Variants in XKR6 observed in about 807,000 individuals in gnomAD.
The protein encoded by XKR6 is XK-related protein 6.
A neutral mutation model predicts 56.7 loss-of-function variants in XKR6; 22 were observed. The ratio of observed to expected loss-of-function variants is 0.39; its 90% CI spans 0.28 to 0.55. The LOEUF is 0.55. Among genes scored for constraint, XKR6 ranks in the 20% least tolerant of loss-of-function variants. XKR6 has a pLI of 0.66. For missense variants in XKR6, 852 were observed against 889.0 expected (o/e 0.96, Z 0.53); for synonymous variants, 524 against 387.8 (o/e 1.35, Z -4.13).
chr8:11,201,832 A>G lies in XKR6; in HGVS notation c.-493T>C, dbSNP rs1297256003. On this transcript the variant is annotated 5_prime_UTR_variant, in exon 1 of 3. Coordinates refer to ENST00000416569, the MANE Select transcript of XKR6 (RefSeq NM_173683.4). The stretch of plus-strand genomic sequence containing the variant: ...TTTCCTCCTGGAGAAACGCCCCCTA[A>G]CACCCTCCCGGCTGCTGGTGGAGGG... Among the ~76,000 whole-genome samples the G allele has an allele frequency of 6.6e-6, 1 of 151,138 alleles. No individual in the cohort carries two copies. The highest frequency in any genetic ancestry group is 1.9e-4 in the East Asian group (1 of 5,132).
chr8:11,050,241 G>A (rs975601356), intron 1 of XKR6, among the ~76,000 whole-genome samples: 3 of 152,268 alleles, frequency 2.0e-5, no homozygotes, highest in Middle Eastern at 3.4e-3. Flanking sequence ...ATGTAACTGC[G>A]ACAGGATTCA....
chr8:10,960,690 G>A (rs1479604079), intron 1 of XKR6, among the ~76,000 whole-genome samples: 2 of 152,202 alleles, frequency 1.3e-5, no homozygotes, highest in Non-Finnish European at 2.9e-5. Context: ...GAGAATCTGA[G>A]AATCAGAACC....
chr8:10,896,083 TTATATA>T lies in XKR6; in HGVS notation c.*1863_*1868del, dbSNP rs35728440. Reference sequence around the variant, plus strand: ...ATTTACTTAAAAATATTGTGTGTGTTTATATATATATATATATATATACTTATTATA... The same window carrying T: ...ATTTACTTAAAAATATTGTGTGTGTTTATATATATATATATACTTATTATA... On this transcript the variant is annotated 3_prime_UTR_variant, in exon 3 of 3. Coordinates refer to ENST00000416569, the MANE Select transcript of XKR6 (RefSeq NM_173683.4). 2 of 141,188 alleles carry T rather than the reference TTATATA, an allele frequency of 1.4e-5. No individual in the cohort carries two copies. Among genetic ancestry groups the T allele is most frequent in the African/African-American group, 2.6e-5 (1 of 39,024 alleles). 8.7% of individuals were successfully genotyped at this position (141,188 alleles called of 1,614,324 possible).
At chr8:10,980,997 C>T (rs2129137366) in intron 1 of XKR6, among the ~76,000 whole-genome samples, 1 of 152,246 alleles carries the variant, frequency 6.6e-6, no homozygotes, top group South Asian at 2.1e-4. Context: ...AGAGAAGAGC[C>T]CAACATTGTT....
intron 1 of XKR6, among the ~76,000 whole-genome samples, chr8:11,067,435 T>C (rs1158600168): frequency 6.6e-6 from 1 of 152,222 alleles, no homozygotes; most frequent in East Asian, 1.9e-4. Flanking sequence ...TCAAAAGGGT[T>C]GAACTGGACC....
intron 1 of XKR6, among the ~76,000 whole-genome samples, chr8:10,964,560 C>A (rs1458742504): frequency 6.6e-6 from 1 of 152,162 alleles, no homozygotes; most frequent in South Asian, 2.1e-4. Flanking sequence ...GGCATCTCAA[C>A]CTTAATGGGG....
rs770553581 is a variant in XKR6 at position 10,924,789 on chromosome 8, C to T, written c.806G>A (p.Arg269Gln). The stretch of plus-strand genomic sequence containing the variant: ...GTAGAAGCGTCGCTGGTGTTCCTTC[C>T]GCCGCTGGCTCTGAATCCCCAGGTA... The part of the protein sequence containing the change: ...TMYLGIQSQR[R>Q]KEHQRRFYWA... The change falls in exon 2 of 3, where the codon CGG becomes CAG. Residue 269 changes from arginine to glutamine, a missense_variant. By Grantham distance (43) the Arg-to-Gln change is conservative. Transcript: ENST00000416569. 23 of 1,613,912 alleles carry T rather than the reference C, an allele frequency of 1.4e-5. No homozygotes were observed. The highest frequency in any genetic ancestry group is 1.7e-4 in the Middle Eastern group (1 of 6,030).
intron 1 of XKR6, among the ~76,000 whole-genome samples, chr8:11,093,725 G>C (rs1798162109): frequency 6.6e-6 from 1 of 152,096 alleles, no homozygotes; most frequent in Non-Finnish European, 1.5e-5. Context: ...AGAAATAAAT[G>C]TACTCTCTAT....
intron 1 of XKR6, among the ~76,000 whole-genome samples, chr8:10,991,013 C>G (rs756991981): frequency 6.8e-6 from 1 of 146,940 alleles, no homozygotes; most frequent in Non-Finnish European, 1.5e-5. Flanking sequence ...AAGCGATTCT[C>G]CTGCCTCAGC....
chr8:10,952,130 C>T (rs1430963253), intron 1 of XKR6, among the ~76,000 whole-genome samples: 1 of 152,166 alleles, frequency 6.6e-6, no homozygotes, highest in African/African-American at 2.4e-5. Flanking sequence ...TCAAAGCCCC[C>T]ATCCCCATCC....
intron 1 of XKR6, among the ~76,000 whole-genome samples, chr8:10,969,981 C>T (rs1471638320): frequency 1.3e-5 from 2 of 152,226 alleles, no homozygotes; most frequent in Admixed American, 1.3e-4. Flanking sequence ...CCCCAGAGGC[C>T]CACAGACCCT....
intron 1 of XKR6, among the ~76,000 whole-genome samples, chr8:10,939,321 T>A (rs1422403751): frequency 6.6e-6 from 1 of 152,208 alleles, no homozygotes; most frequent in African/African-American, 2.4e-5. Context: ...GAATGTCTCT[T>A]TGGGCCTGGC....
chr8:11,021,047 C>A (rs1328641883), intron 1 of XKR6, among the ~76,000 whole-genome samples: 1 of 152,042 alleles, frequency 6.6e-6, no homozygotes, highest in Non-Finnish European at 1.5e-5. Flanking sequence ...CCTAGGGGGT[C>A]CTATGAGGCA....
intron 2 of XKR6, among the ~76,000 whole-genome samples, chr8:10,913,497 G>A (rs996421577): frequency 1.3e-5 from 2 of 152,170 alleles, no homozygotes; most frequent in African/African-American, 4.8e-5. Flanking sequence ...GATAAGGATG[G>A]AGGCCATATG....
chr8:11,018,615 G>A lies in XKR6; in HGVS notation c.765-93785C>T, dbSNP rs76663341. Among the ~76,000 whole-genome samples the A allele has an allele frequency of 7.2e-5, 11 of 152,300 alleles. 1 individual carries two copies. The East Asian group carries it at 1.3e-3, about 19-fold the overall frequency. On this transcript the variant is annotated intron_variant, in intron 1 of 2. Transcript: ENST00000416569. The stretch of plus-strand genomic sequence containing the variant: ...ATACCAAGATTTTCCATTCTTCTAG[G>A]CCATCTTTGAGAATGCACTTGGGAG...
chr8:11,086,133 A>AATATATATAT (rs138365092), intron 1 of XKR6, among the ~76,000 whole-genome samples: 2 of 90,066 alleles, frequency 2.2e-5, no homozygotes, highest in African/African-American at 5.7e-5. Flanking sequence ...TTAAAAAGAA[A>AATATATATAT]ATATATATAT....
At chr8:10,990,144 T>G (rs1468677911) in intron 1 of XKR6, among the ~76,000 whole-genome samples, 7 of 152,204 alleles carry the variant, frequency 4.6e-5, no homozygotes, top group African/African-American at 1.7e-4. Flanking sequence ...CAAAAACTTT[T>G]GTGACAGTCA....
intron 1 of XKR6, among the ~76,000 whole-genome samples, chr8:11,061,906 A>C (rs1426528237): frequency 6.6e-6 from 1 of 152,210 alleles, no homozygotes; most frequent in East Asian, 1.9e-4. Flanking sequence ...GGCCAGCATC[A>C]GCTGCTGCTG....
At chr8:11,164,291 A>G (rs1005092280) in intron 1 of XKR6, among the ~76,000 whole-genome samples, 4 of 152,228 alleles carry the variant, frequency 2.6e-5, no homozygotes, top group African/African-American at 4.8e-5. Context: ...CAGCCATGCT[A>G]GGAACGAGGT....
Sources: gnomAD v4.1 joint callset for allele counts (sites outside exome capture counted in the v4.1 genomes callset) on GRCh38, gnomAD v4.1.1 for gene constraint, MANE v1.5 for transcripts, NCBI Gene and HGNC (gene_info 2026-07-23, HGNC 2026-07-21) for gene names.